Variants in PRKN observed in about 807,000 individuals in gnomAD.
PRKN encodes parkin RBR E3 ubiquitin protein ligase.
A neutral mutation model predicts 59.5 loss-of-function variants in PRKN; 56 were observed. That is an observed-to-expected ratio of 0.94 (90% CI 0.76 to 1.18). The LOEUF is 1.18. Ranked by LOEUF, PRKN falls within the 50% of genes most tolerant of loss-of-function variation. The pLI is 0.00. For missense variants in PRKN, 657 were observed against 596.4 expected, an observed-to-expected ratio of 1.10 and a Z score of -1.06; for synonymous variants, 250 against 222.1, an observed-to-expected ratio of 1.13 and a Z score of -1.12.
At chr6:161,944,771 T>G (rs1483311538) in intron 6 of PRKN, among the ~76,000 whole-genome samples, 1 of 152,236 alleles carries the variant, frequency 6.6e-6, no homozygotes, top group African/African-American at 2.4e-5. Context: ...GAATTGATTT[T>G]ATCATAGTCA....
rs1778986292 is a variant in PRKN, at chr6:161,525,554, A to G, written c.1083+23300T>C. ...TTTTATTATAAGATCAGAGAAGGAA[A>G]AATGATCAGAAAGCAAAGAGAGGAA... On this transcript the variant is annotated intron_variant, in intron 9 of 11. Transcript: ENST00000366898. This position sits in a 1 kb window ranked among gnomAD's most constrained non-coding sequence, Gnocchi z 4.7. Among the ~76,000 whole-genome samples, 1 of 152,230 alleles carries G rather than the reference A, an allele frequency of 6.6e-6. No individual in the cohort carries two copies. Among genetic ancestry groups the G allele is most frequent in the Non-Finnish European group, 1.5e-5 (1 of 68,038 alleles).
At chr6:162,539,887 G>C (rs895577183) in intron 1 of PRKN, among the ~76,000 whole-genome samples, 4 of 152,018 alleles carry the variant, frequency 2.6e-5, no homozygotes, top group African/African-American at 9.7e-5. Context: ...CCTACCTAAA[G>C]AGTTATTTCT....
At position 161,360,151 on chromosome 6, in the gene PRKN, T is replaced by C; in HGVS notation, c.1222A>G (p.Lys408Glu). 6.2e-7 allele frequency: 1 copy of C among 1,614,190 alleles called. No individual in the cohort carries two copies. The highest frequency in any genetic ancestry group is 8.5e-7 in the Non-Finnish European group (1 of 1,180,022). Residue 408 changes from lysine (K) to glutamate (E), a missense_variant, in exon 11 of 12, where the codon AAA (lysine) becomes GAA (glutamate). Physicochemically the swap from Lys to Glu is moderately conservative, Grantham distance 56. Coordinates refer to ENST00000366898, the MANE Select transcript of PRKN (RefSeq NM_004562.3). The surrounding 1 kb of genome is among the most constrained non-coding windows in gnomAD (Gnocchi z 5.1). ...AEQARWEAAS[K>E]ETIKKTTKPC... ...TTGGTGGTTTTCTTGATGGTTTCTT[T>C]GGAGGCTGCTTCCCAACGAGCCTGC...
intron 1 of PRKN, chr6:162,569,861 C>T (rs1420508252): frequency 5.6e-6 from 2 of 356,060 alleles, no homozygotes; most frequent in African/African-American, 2.1e-5. Flanking sequence ...AGCCCACCCA[C>T]GGGGGAGTTT....
intron 2 of PRKN, among the ~76,000 whole-genome samples, chr6:162,373,633 T>G (rs1785889178): frequency 1.3e-5 from 2 of 152,168 alleles, no homozygotes; most frequent in Admixed American, 1.3e-4. Context: ...ACTTCCTTTA[T>G]AGGAAATTCT....
intron 5 of PRKN, among the ~76,000 whole-genome samples, chr6:162,001,038 A>C (rs1239549823): frequency 6.6e-6 from 1 of 151,932 alleles, no homozygotes; most frequent in Non-Finnish European, 1.5e-5. Context: ...TGTTTTGATT[A>C]CTGTAGTTTT....
chr6:161,359,093 C>T lies in PRKN; in HGVS notation c.1285+995G>A, dbSNP rs369531585. 5.9e-5 allele frequency among the ~76,000 whole-genome samples: 9 copies of T among 152,210 alleles called. No individual in the cohort carries two copies. The highest frequency in any genetic ancestry group is 3.9e-4 in the East Asian group (2 of 5,182). ...ACAGGCGTGAGCCACCGCGCCCGGC[C>T]GCCTTCTGCTCTTTATAGGTGCATG... On this transcript the variant is annotated intron_variant, in intron 11 of 11. Coordinates refer to ENST00000366898, the MANE Select transcript of PRKN (RefSeq NM_004562.3). This position sits in a 1 kb window ranked among gnomAD's most constrained non-coding sequence, Gnocchi z 5.4.
At chr6:162,519,382 GGGCC>G (rs1315911166) in intron 1 of PRKN, among the ~76,000 whole-genome samples, 19 of 152,256 alleles carry the variant, frequency 1.2e-4, no homozygotes, top group African/African-American at 4.6e-4. Flanking sequence ...TCAGGGCTCT[GGGCC>G]AGTTACTAGT....
intron 7 of PRKN, among the ~76,000 whole-genome samples, chr6:161,570,039 C>A (rs1212250830): frequency 6.7e-6 from 1 of 149,064 alleles, no homozygotes; most frequent in Non-Finnish European, 1.5e-5. Context: ...GTGCCTATCA[C>A]TTTCTCGTTC....
At chr6:162,314,037 C>CA (rs1332725413) in intron 2 of PRKN, among the ~76,000 whole-genome samples, 7 of 152,048 alleles carry the variant, frequency 4.6e-5, no homozygotes, top group Admixed American at 4.6e-4. Context: ...CATCAGGTAG[C>CA]AAACAGTCAT....
intron 10 of PRKN, among the ~76,000 whole-genome samples, chr6:161,368,297 T>TTGTG (rs1185057487): frequency 2.1e-5 from 3 of 140,030 alleles, no homozygotes; most frequent in African/African-American, 8.0e-5. Flanking sequence ...TTATATATAT[T>TTGTG]TATATATATT....
rs775831696 is a variant in PRKN at position 161,498,310 on chromosome 6, A to G, written c.1083+50544T>C. ...TATAATTAGTGTTTGTATTTATTAC[A>G]TTTGTTATGTTACTCCTCTCCTCAA... On this transcript the variant is annotated intron_variant, in intron 9 of 11. Coordinates refer to ENST00000366898, the MANE Select transcript of PRKN (RefSeq NM_004562.3). This position sits in a 1 kb window ranked among gnomAD's most constrained non-coding sequence, Gnocchi z 4.2. Among the ~76,000 whole-genome samples, 2 of 152,176 alleles carry G rather than the reference A, an allele frequency of 1.3e-5. No individual in the cohort carries two copies. The highest frequency in any genetic ancestry group is 2.9e-5 in the Non-Finnish European group (2 of 68,032).
Position 161,468,817 on chromosome 6 carries a change from CAG to C in PRKN, c.1083+80035_1083+80036del. On this transcript the variant is annotated intron_variant, in intron 9 of 11. Transcript: ENST00000366898. The surrounding 1 kb of genome is among the most constrained non-coding windows in gnomAD (Gnocchi z 5.9). ...ATTTGTGAAGTTGTCCTTGTGGCCA[CAG>C]TTGAAGGCCCTCATGCTCACTGTCA... Among the ~76,000 whole-genome samples the C allele has an allele frequency of 6.6e-6, 1 of 152,296 alleles. No individual in the cohort carries two copies. Among genetic ancestry groups the C allele is most frequent in the East Asian group, 1.9e-4 (1 of 5,180 alleles).
chr6:162,163,506 G>A (rs1403938696), intron 4 of PRKN, among the ~76,000 whole-genome samples: 2 of 149,400 alleles, frequency 1.3e-5, no homozygotes, highest in Admixed American at 6.7e-5. Context: ...GTAGCCCGAG[G>A]AGAACAGAAA....
At chr6:162,231,545 A>G (rs1778417609) in intron 3 of PRKN, among the ~76,000 whole-genome samples, 1 of 152,178 alleles carries the variant, frequency 6.6e-6, no homozygotes, top group South Asian at 2.1e-4. Flanking sequence ...GGAATCCTGG[A>G]AAGACAGAGC....
chr6:162,031,962 A>G (rs1029272883), intron 5 of PRKN, among the ~76,000 whole-genome samples: 1 of 152,196 alleles, frequency 6.6e-6, no homozygotes, highest in Admixed American at 6.5e-5. Context: ...ATGTGAAGTA[A>G]TGTTCTAGTT....
intron 9 of PRKN, among the ~76,000 whole-genome samples, chr6:161,441,760 C>A (rs6901754): frequency 0.044 from 6,682 of 152,062 alleles, 381 homozygotes; most frequent in African/African-American, 0.13. Flanking sequence ...GCTGCCAAGG[C>A]ATCCCAGGGG....
intron 9 of PRKN, among the ~76,000 whole-genome samples, chr6:161,532,559 A>C (rs1208944253): frequency 1.3e-5 from 2 of 152,118 alleles, no homozygotes; most frequent in Non-Finnish European, 2.9e-5. Context: ...GACATTGAAA[A>C]TATCTAGGGT....
chr6:161,450,955 C>T (rs1278946834), intron 9 of PRKN, among the ~76,000 whole-genome samples: 1 of 152,120 alleles, frequency 6.6e-6, no homozygotes, highest in Non-Finnish European at 1.5e-5. Context: ...TAGAAGACAA[C>T]TGCAAAAAAT....
Sources: allele counts gnomAD v4.1 joint callset (sites outside exome capture counted in the v4.1 genomes callset), GRCh38; gene constraint gnomAD v4.1.1; non-coding constraint Gnocchi (gnomAD v3.1); transcripts MANE v1.5; gene names NCBI Gene and HGNC (gene_info 2026-07-23, HGNC 2026-07-21).